Variants in THSD7B observed in about 807,000 individuals in gnomAD.
THSD7B encodes the protein thrombospondin type-1 domain-containing protein 7B.
In THSD7B, 138 loss-of-function variants were observed where a neutral mutation model predicts 213.6. The ratio of observed to expected loss-of-function variants is 0.65; its 90% CI spans 0.56 to 0.74. THSD7B has a LOEUF of 0.74. Ranked by LOEUF, THSD7B falls within the 30% of genes least tolerant of loss-of-function variation. The pLI is 0.00. For synonymous variants in THSD7B, 742 were observed against 687.0 expected (o/e 1.08, Z -1.25); for missense variants, 1,931 against 1,991.5 (o/e 0.97, Z 0.58).
At chr2:136,778,236 T>A (rs1681650156) in intron 1 of THSD7B, among the ~76,000 whole-genome samples, 1 of 152,212 alleles carries the variant, frequency 6.6e-6, no homozygotes, top group South Asian at 2.1e-4. Context: ...CCACATGGTC[T>A]AGACTGGCAT....
chr2:137,124,290 A>G (rs1336025960), intron 5 of THSD7B, among the ~76,000 whole-genome samples: 1 of 152,164 alleles, frequency 6.6e-6, no homozygotes, highest in East Asian at 1.9e-4. Context: ...ATTGCTTCCA[A>G]TCTATTTCTC....
chr2:137,408,824 C>T (rs1020366372), intron 13 of THSD7B, among the ~76,000 whole-genome samples: 1 of 152,168 alleles, frequency 6.6e-6, no homozygotes, highest in South Asian at 2.1e-4. Context: ...AACCACTCTT[C>T]CATGTTCAAG....
At chr2:137,633,760 C>A (rs993728504) in intron 20 of THSD7B, among the ~76,000 whole-genome samples, 10 of 151,958 alleles carry the variant, frequency 6.6e-5, no homozygotes, top group African/African-American at 2.4e-4. Context: ...GTGAAGAAAG[C>A]AGGATAAGGA....
intron 9 of THSD7B, among the ~76,000 whole-genome samples, chr2:137,238,539 T>C (rs1681821428): frequency 9.7e-6 from 1 of 102,664 alleles, no homozygotes; most frequent in Non-Finnish European, 2.0e-5. Flanking sequence ...TCTTTCTTTT[T>C]TTTTTTTTTT....
chr2:136,842,853 A>T, intron 1 of THSD7B, among the ~76,000 whole-genome samples: 1 of 152,130 alleles, frequency 6.6e-6, no homozygotes, highest in Non-Finnish European at 1.5e-5. Context: ...GTGGGATGAG[A>T]ATCTATTTCT....
At chr2:137,527,524 A>T (rs566776275) in intron 15 of THSD7B, among the ~76,000 whole-genome samples, 1 of 152,084 alleles carries the variant, frequency 6.6e-6, no homozygotes, top group East Asian at 1.9e-4. Context: ...ATTTGCTAGC[A>T]TTGCTCCCTC....
At chr2:137,230,141 A>G (rs897722840) in intron 7 of THSD7B, among the ~76,000 whole-genome samples, 1 of 152,212 alleles carries the variant, frequency 6.6e-6, no homozygotes, top group Non-Finnish European at 1.5e-5. Context: ...TTTGAATTCT[A>G]CTAATAGGAA....
At chr2:137,313,840 T>C (rs1476841345) in intron 12 of THSD7B, among the ~76,000 whole-genome samples, 2 of 152,230 alleles carry the variant, frequency 1.3e-5, no homozygotes, top group African/African-American at 2.4e-5. Context: ...TGGCCCCCGC[T>C]CTCTTCTGTC....
chr2:137,194,241 G>A (rs1272522611), intron 7 of THSD7B, among the ~76,000 whole-genome samples: 7 of 152,144 alleles, frequency 4.6e-5, no homozygotes, highest in Non-Finnish European at 1.0e-4. Context: ...GGGAATGCAG[G>A]AGTTGCTGAG....
chr2:136,997,573 CA>C (rs1380771761), intron 2 of THSD7B, among the ~76,000 whole-genome samples: 1 of 151,980 alleles, frequency 6.6e-6, no homozygotes, highest in African/African-American at 2.4e-5. Flanking sequence ...TAAGTGCCAC[CA>C]GAAGTGGGAA....
chr2:136,939,599 T>C (rs2105058038), intron 2 of THSD7B, among the ~76,000 whole-genome samples: 1 of 152,310 alleles, frequency 6.6e-6, no homozygotes, highest in East Asian at 1.9e-4. Flanking sequence ...GCCTCAGCTC[T>C]TTCCTGTCTC....
chr2:136,772,150 G>T (rs1681519783), intron 1 of THSD7B, among the ~76,000 whole-genome samples: 1 of 151,956 alleles, frequency 6.6e-6, no homozygotes, highest in Admixed American at 6.6e-5. Flanking sequence ...TGGACTGCAA[G>T]GCCTATTCTG....
chr2:137,088,797 A>G (rs1376951546), intron 3 of THSD7B, among the ~76,000 whole-genome samples: 3 of 152,136 alleles, frequency 2.0e-5, no homozygotes, highest in Non-Finnish European at 4.4e-5. Flanking sequence ...AATTCCATCA[A>G]AAAGTGGGCT....
At chr2:137,155,014 T>C (rs1483184947) in intron 5 of THSD7B, among the ~76,000 whole-genome samples, 1 of 152,220 alleles carries the variant, frequency 6.6e-6, no homozygotes, top group African/African-American at 2.4e-5. Flanking sequence ...GTTTAATAAT[T>C]TCATATTGCC....
At chr2:137,391,099 GT>G (rs1347435992) in intron 12 of THSD7B, among the ~76,000 whole-genome samples, 1 of 151,976 alleles carries the variant, frequency 6.6e-6, no homozygotes, top group Non-Finnish European at 1.5e-5. Context: ...GCTTTTTGTT[GT>G]TGTTGAGAGA....
intron 3 of THSD7B, among the ~76,000 whole-genome samples, chr2:137,069,693 C>T (rs916119198): frequency 2.0e-5 from 3 of 151,846 alleles, no homozygotes; most frequent in African/African-American, 7.3e-5. Context: ...TTTGTATCTG[C>T]TGTTAAAGGA....
intron 2 of THSD7B, among the ~76,000 whole-genome samples, chr2:136,951,788 C>T (rs1196670487): frequency 1.3e-5 from 2 of 152,134 alleles, no homozygotes; most frequent in Non-Finnish European, 2.9e-5. Context: ...AATGTAAAAC[C>T]TAAATCATAA....
intron 15 of THSD7B, among the ~76,000 whole-genome samples, chr2:137,534,140 C>A (rs1680458504): frequency 6.6e-6 from 1 of 151,404 alleles, no homozygotes; most frequent in South Asian, 2.1e-4. Context: ...TTTCCATTTC[C>A]CCTTTTGCCT....
intron 2 of THSD7B, among the ~76,000 whole-genome samples, chr2:136,991,214 C>G (rs576591288): frequency 6.6e-6 from 1 of 152,044 alleles, no homozygotes; most frequent in African/African-American, 2.4e-5. Context: ...CAAAATAGAG[C>G]AAGTCAGGAT....
Sources: allele counts gnomAD v4.1 joint callset (sites outside exome capture counted in the v4.1 genomes callset), GRCh38; gene constraint gnomAD v4.1.1; transcripts MANE v1.5; gene names NCBI Gene and HGNC (gene_info 2026-07-23, HGNC 2026-07-21).